NPAS3: variants seen among roughly 807,000 people sequenced by gnomAD.
NPAS3 encodes neuronal PAS domain-containing protein 3.
NPAS3 carries 14 observed loss-of-function variants against 73.1 expected under a neutral mutation model. The observed-to-expected ratio is 0.19, with a 90% CI of 0.13 to 0.30. The LOEUF (loss-of-function observed/expected upper bound fraction) is 0.30, where lower values mean the gene tolerates loss of function less well. Ranked by LOEUF, NPAS3 falls within the 10% of genes least tolerant of loss-of-function variation. The probability of loss-of-function intolerance (pLI) is 1.00; values close to 1 mark genes in which losing one functional copy is unlikely to be tolerated. For missense variants in NPAS3, 1,096 were observed against 1,250.0 expected (o/e 0.88, Z 1.86); for synonymous variants, 620 against 541.5 (o/e 1.14, Z -2.01).
chr14:33,570,705 A>G (rs1428120629), intron 5 of NPAS3, among the ~76,000 whole-genome samples: 1 of 152,190 alleles, frequency 6.6e-6, no homozygotes, highest in Middle Eastern at 3.2e-3. Flanking sequence ...TGTAGCATAC[A>G]TGGAAATTAG....
intron 3 of NPAS3, among the ~76,000 whole-genome samples, chr14:33,337,963 A>ATT (rs35762578): frequency 0.014 from 2,072 of 150,052 alleles, 21 homozygotes; most frequent in African/African-American, 0.027. Context: ...ATTTCTAGGA[A>ATT]TTTTTTTTTG....
At chr14:33,078,145 A>G (rs2041734572) in intron 2 of NPAS3, among the ~76,000 whole-genome samples, 1 of 152,152 alleles carries the variant, frequency 6.6e-6, no homozygotes. Flanking sequence ...TCCAAAAAAA[A>G]TAAATAAATA....
At position 33,300,319 on chromosome 14, in the gene NPAS3, G is replaced by T. The variant is rs1403662044; in HGVS notation, c.386-66867G>T. Among the ~76,000 whole-genome samples, 3 of 152,168 alleles carry T rather than the reference G, an allele frequency of 2.0e-5. No homozygotes were observed. The East Asian group carries it at 5.8e-4, about 29-fold the overall frequency. The stretch of plus-strand genomic sequence containing the variant: ...GTGCTTTTAATTGCTCTTGATGCTT[G>T]TAAGTTGGGCTAGTAAAACAGCTTG... On this transcript the variant is annotated intron_variant, in intron 3 of 11. Transcript: ENST00000356141.
intron 4 of NPAS3, among the ~76,000 whole-genome samples, chr14:33,369,725 G>A (rs1441992211): frequency 6.6e-6 from 1 of 152,162 alleles, no homozygotes; most frequent in Non-Finnish European, 1.5e-5. Context: ...CTACTACATA[G>A]TATTCTAAAT....
rs975584653 is a variant in NPAS3, at chr14:33,315,904, CAA to C, written c.386-51281_386-51280del. Among the ~76,000 whole-genome samples the C allele has an allele frequency of 2.7e-4, 41 of 152,064 alleles. 1 individual carries two copies. Among genetic ancestry groups the C allele is most frequent in the Middle Eastern group, 3.2e-3 (1 of 316 alleles). On this transcript the variant is annotated intron_variant, in intron 3 of 11. Coordinates refer to ENST00000356141, the Ensembl canonical transcript of NPAS3. ...AGTCTCAAGTTTCCCAACTATGACA[CAA>C]GAGCAGTTTTTGTGCCAGAACTGGC...
intron 6 of NPAS3, among the ~76,000 whole-genome samples, chr14:33,723,897 A>G (rs1595504316): frequency 6.6e-6 from 1 of 152,234 alleles, no homozygotes; most frequent in East Asian, 1.9e-4. Flanking sequence ...GAGAGTTTCC[A>G]TGAAGGGTAA....
chr14:33,195,849 T>C (rs1253310670), intron 2 of NPAS3, among the ~76,000 whole-genome samples: 1 of 152,212 alleles, frequency 6.6e-6, no homozygotes, highest in Non-Finnish European at 1.5e-5. Flanking sequence ...GAATATTTAC[T>C]TATTGAAGGC....
intron 6 of NPAS3, 124 bp downstream of exon 6, chr14:33,676,509 T>C: frequency 1.5e-6 from 1 of 647,814 alleles, no homozygotes; most frequent in Non-Finnish European, 2.4e-6. Context: ...CCATGCAGCT[T>C]CCAGTCCCAT....
chr14:33,367,065 G>T (rs1215011368), intron 3 of NPAS3, 121 bp from the exon 4 acceptor site: 1 of 483,356 alleles, frequency 2.1e-6, no homozygotes, highest in Non-Finnish European at 3.7e-6. Flanking sequence ...ACTGGGTGGT[G>T]GTTCAGATCT....
intron 2 of NPAS3, among the ~76,000 whole-genome samples, chr14:33,210,693 T>G (rs978133786): frequency 6.6e-6 from 1 of 152,208 alleles, no homozygotes; most frequent in Non-Finnish European, 1.5e-5. Flanking sequence ...AACAGCTGTT[T>G]AGATACTCAT....
chr14:33,746,374 A>G (rs1019477840), intron 7 of NPAS3, among the ~76,000 whole-genome samples: 12 of 151,536 alleles, frequency 7.9e-5, no homozygotes, highest in African/African-American at 2.9e-4. Flanking sequence ...TTTTTAGTAG[A>G]GATGGGGTTT....
intron 4 of NPAS3, among the ~76,000 whole-genome samples, chr14:33,416,763 A>G (rs1341084987): frequency 6.6e-6 from 1 of 152,042 alleles, no homozygotes; most frequent in South Asian, 2.1e-4. Context: ...AAGATGAAAA[A>G]AATGAAACCG....
At chr14:33,304,045 C>T (rs1223433696) in intron 3 of NPAS3, among the ~76,000 whole-genome samples, 1 of 152,186 alleles carries the variant, frequency 6.6e-6, no homozygotes, top group African/African-American at 2.4e-5. Context: ...GTAGCTGGGA[C>T]TACAGGTGCC....
At chr14:33,770,188 A>G (rs896667510) in intron 7 of NPAS3, among the ~76,000 whole-genome samples, 1 of 152,182 alleles carries the variant, frequency 6.6e-6, no homozygotes, top group African/African-American at 2.4e-5. Context: ...GTTTATTCCA[A>G]TGTGTAGCCA....
At chr14:33,188,490 T>G (rs1190483879) in intron 2 of NPAS3, among the ~76,000 whole-genome samples, 2 of 152,252 alleles carry the variant, frequency 1.3e-5, no homozygotes, top group Admixed American at 1.3e-4. Flanking sequence ...TTATAGCACT[T>G]ACCGTGTGGT....
At chr14:33,084,167 T>C (rs1316265159) in intron 2 of NPAS3, among the ~76,000 whole-genome samples, 1 of 152,214 alleles carries the variant, frequency 6.6e-6, no homozygotes, top group Non-Finnish European at 1.5e-5. Context: ...AACACCTGTA[T>C]TGAATTGGCT....
At chr14:33,094,100 T>G (rs574755539) in intron 2 of NPAS3, among the ~76,000 whole-genome samples, 1 of 137,108 alleles carries the variant, frequency 7.3e-6, no homozygotes, top group South Asian at 2.4e-4. Context: ...ACATGTACCC[T>G]AGAACTTAAA....
intron 5 of NPAS3, among the ~76,000 whole-genome samples, chr14:33,576,056 A>G (rs1302523121): frequency 2.6e-5 from 4 of 152,144 alleles, no homozygotes; most frequent in Admixed American, 1.3e-4. Flanking sequence ...AAATATTTAA[A>G]TGGAATGTGT....
chr14:32,967,207 AC>A, intron 1 of NPAS3, among the ~76,000 whole-genome samples: 1 of 152,194 alleles, frequency 6.6e-6, no homozygotes, highest in Non-Finnish European at 1.5e-5. Flanking sequence ...ATCATGATCC[AC>A]TTCCACTTAA....
Sources: gnomAD v4.1 joint callset for allele counts (sites outside exome capture counted in the v4.1 genomes callset) on GRCh38, gnomAD v4.1.1 for gene constraint, MANE v1.5 for transcripts, NCBI Gene and HGNC (gene_info 2026-07-23, HGNC 2026-07-21) for gene names.